TBL1X: variants seen among roughly 807,000 people sequenced by gnomAD.
TBL1X encodes transducin beta like 1 X-linked.
Under a neutral mutation model 50.7 loss-of-function variants are expected in TBL1X, and 10 were observed. The ratio of observed to expected loss-of-function variants is 0.20; its 90% confidence interval spans 0.12 to 0.33. The LOEUF is 0.33. Ranked by LOEUF, TBL1X falls within the 10% of genes least tolerant of loss-of-function variation. The pLI, the probability that TBL1X is intolerant of heterozygous loss-of-function variation, is 1.00. For missense variants in TBL1X, 340 were observed against 504.4 expected (o/e 0.67, Z 3.12); for synonymous variants, 190 against 214.7 (o/e 0.88, Z 1.01).
At chrX:9,509,214 C>T (rs1400939187) in intron 2 of TBL1X, among the ~76,000 whole-genome samples, 3 of 106,083 alleles carry the variant, frequency 2.8e-5, no homozygotes, top group Non-Finnish European at 5.8e-5. Context: ...GGTGAAACAC[C>T]GTCTCTACTA....
rs374890226 is a variant in TBL1X at position 9,541,724 on chromosome X, C to T, written c.-131+39875C>T. On this transcript the variant is annotated intron_variant, in intron 2 of 17. Coordinates refer to ENST00000645353, the MANE Select transcript of TBL1X (RefSeq NM_005647.4). The stretch of plus-strand genomic sequence containing the variant: ...ATTGGTTGAGTTGGGGTCCATGTGC[C>T]CACCTCCAGGTTGGACCAGGGGACA... Among the ~76,000 whole-genome samples the T allele has an allele frequency of 4.3e-4, 48 of 111,409 alleles. No homozygotes were observed. In the South Asian group the frequency reaches 0.017, roughly 39 times the overall value.
intron 9 of TBL1X, among the ~76,000 whole-genome samples, chrX:9,692,630 A>G (rs1276410923): frequency 1.8e-5 from 2 of 111,918 alleles, no homozygotes; most frequent in African/African-American, 6.5e-5. Flanking sequence ...CTGCTCTCGC[A>G]CTCCTGACCC....
rs183534707 is a variant in TBL1X at position 9,484,927 on chromosome X, A to T, written c.-200-16853A>T. On this transcript the variant is annotated intron_variant, in intron 1 of 17. Coordinates refer to ENST00000645353, the MANE Select transcript of TBL1X (RefSeq NM_005647.4). ...AGAGACCCTGGCACTAAAAAAAAAA[A>T]AAAAAAAAAAAAAATTAGCCAGGTA... 3.7e-5 allele frequency among the ~76,000 whole-genome samples: 4 copies of T among 107,569 alleles called. No individual in the cohort carries two copies. The Admixed American group carries it at 4.0e-4, about 11-fold the overall frequency. 93.4% of individuals were successfully genotyped at this position (107,569 alleles called of 115,157 possible). A position where few individuals can be genotyped will look rare whatever the true frequency, so the allele number is the denominator to read the frequency against.
chrX:9,683,389 G>T (rs1003065585), intron 5 of TBL1X, among the ~76,000 whole-genome samples: 1 of 112,248 alleles, frequency 8.9e-6, no homozygotes, highest in Non-Finnish European at 1.9e-5. Flanking sequence ...TAGAGCGGCA[G>T]TGAAAGAGAT....
At chrX:9,518,534 A>G (rs1342093068) in intron 2 of TBL1X, among the ~76,000 whole-genome samples, 4 of 111,917 alleles carry the variant, frequency 3.6e-5, no homozygotes, top group Non-Finnish European at 7.5e-5. Context: ...ATTAAACCTT[A>G]TCAGTTATTT....
chrX:9,640,401 C>T (rs1022957969), intron 3 of TBL1X, 41 bp downstream of exon 3: 2 of 111,727 alleles, frequency 1.8e-5, no homozygotes, highest in Non-Finnish European at 3.8e-5. Flanking sequence ...GCCCTTGTAC[C>T]TGAAATCCGT....
intron 1 of TBL1X, among the ~76,000 whole-genome samples, chrX:9,469,231 G>A (rs1184042361): frequency 4.5e-5 from 5 of 111,607 alleles, no homozygotes; most frequent in Non-Finnish European, 7.5e-5. Flanking sequence ...GTGCAGTGGT[G>A]CGATCTCGGC....
At chrX:9,619,675 G>C (rs1294487818) in intron 2 of TBL1X, among the ~76,000 whole-genome samples, 1 of 112,520 alleles carries the variant, frequency 8.9e-6, no homozygotes, top group African/African-American at 3.2e-5. Flanking sequence ...AGTTAAAATA[G>C]TGAGGACACT....
At chrX:9,525,581 A>G (rs2082128071) in intron 2 of TBL1X, among the ~76,000 whole-genome samples, 1 of 112,162 alleles carries the variant, frequency 8.9e-6, no homozygotes, top group South Asian at 3.7e-4. Flanking sequence ...TGCTTTTTAA[A>G]AAGAAATTAT....
rs1201325498 is a variant in TBL1X, at chrX:9,710,181, C to T, written c.1439+421C>T. Reference sequence around the variant, plus strand: ...GCAGTGCGCGGTGATCACACCACTGCACTCCAGCCTGGGTGACAGAGCAAG... The same window carrying T: ...GCAGTGCGCGGTGATCACACCACTGTACTCCAGCCTGGGTGACAGAGCAAG... On this transcript the variant is annotated intron_variant, in intron 15 of 17. Transcript: ENST00000645353. 3.0e-5 allele frequency among the ~76,000 whole-genome samples: 3 copies of T among 99,545 alleles called. No individual in the cohort carries two copies. The East Asian group carries it at 9.6e-4, about 32-fold the overall frequency. The allele number at this position is 99,545 out of a possible 115,157, so 86.4% of individuals were successfully genotyped here. A position where few individuals can be genotyped will look rare whatever the true frequency, so the allele number is the denominator to read the frequency against.
Position 9,713,553 on chromosome X carries a change from G to A in TBL1X, c.1606-1349G>A, listed in dbSNP as rs769972522. On this transcript the variant is annotated intron_variant, in intron 16 of 17. Coordinates refer to ENST00000645353, the MANE Select transcript of TBL1X (RefSeq NM_005647.4). ...AGCGATTCTCCTGCCTCAGCCTCCC[G>A]AGTAGCTGGGATTACAGGTGCGCAC... 6.9e-4 allele frequency among the ~76,000 whole-genome samples: 72 copies of A among 103,920 alleles called. 1 individual carries two copies. In the East Asian group the frequency reaches 0.021, roughly 30 times the overall value. The allele number at this position is 103,920 out of a possible 115,157, so 90.2% of individuals were successfully genotyped here.
intron 2 of TBL1X, among the ~76,000 whole-genome samples, chrX:9,559,990 C>A (rs983877412): frequency 9.0e-6 from 1 of 111,411 alleles, no homozygotes; most frequent in Non-Finnish European, 1.9e-5. Context: ...TTTGATGAGC[C>A]GGGAGCTAGG....
chrX:9,675,206 G>C (rs1468495446), intron 5 of TBL1X, among the ~76,000 whole-genome samples: 6 of 111,817 alleles, frequency 5.4e-5, no homozygotes, highest in Admixed American at 9.5e-5. Flanking sequence ...TGAACCAGAA[G>C]TTTTTAGGCA....
At chrX:9,667,247 C>T (rs984811438) in intron 5 of TBL1X, among the ~76,000 whole-genome samples, 4 of 111,499 alleles carry the variant, frequency 3.6e-5, no homozygotes, top group East Asian at 2.8e-4. Flanking sequence ...GGTGACAGAG[C>T]GAGACTCCGT....
At chrX:9,609,058 T>C (rs1444057449) in intron 2 of TBL1X, among the ~76,000 whole-genome samples, 4 of 111,706 alleles carry the variant, frequency 3.6e-5, no homozygotes, top group African/African-American at 1.3e-4. Context: ...GAAAAGAACT[T>C]CCTCAACACA....
chrX:9,576,083 C>G (rs1298509369), intron 2 of TBL1X, among the ~76,000 whole-genome samples: 2 of 112,018 alleles, frequency 1.8e-5, no homozygotes, highest in Non-Finnish European at 1.9e-5. Context: ...TTGTAAAGAT[C>G]TTGAGTAAAT....
intron 2 of TBL1X, among the ~76,000 whole-genome samples, chrX:9,580,507 C>T (rs1233217438): frequency 8.9e-6 from 1 of 111,863 alleles, no homozygotes; most frequent in Non-Finnish European, 1.9e-5. Context: ...GAGCAGAGGC[C>T]TGTCGTTGAA....
At chrX:9,686,592 G>A (rs182357812) in intron 6 of TBL1X, among the ~76,000 whole-genome samples, 1 of 112,405 alleles carries the variant, frequency 8.9e-6, no homozygotes, top group Admixed American at 9.4e-5. Context: ...CCAGCTACTC[G>A]GAGGCTAAGG....
intron 16 of TBL1X, among the ~76,000 whole-genome samples, chrX:9,714,324 G>T (rs1197516645): frequency 8.9e-6 from 1 of 112,151 alleles, no homozygotes; most frequent in African/African-American, 3.2e-5. Context: ...AATTGCTACT[G>T]GGGTGGGTGT....
Sources: gnomAD v4.1 joint callset for allele counts (sites outside exome capture counted in the v4.1 genomes callset) on GRCh38, gnomAD v4.1.1 for gene constraint, MANE v1.5 for transcripts, NCBI Gene and HGNC (gene_info 2026-07-23, HGNC 2026-07-21) for gene names.